COLQ: variants seen among roughly 807,000 people sequenced by gnomAD.
The protein encoded by COLQ is acetylcholinesterase collagenic tail peptide.
A neutral mutation model predicts 69.0 loss-of-function variants in COLQ; 48 were observed. That is an observed-to-expected ratio of 0.70 (90% confidence interval 0.55 to 0.88). COLQ has a LOEUF of 0.88. COLQ is among the 40% of genes least tolerant of loss of function. The pLI is 0.00. For missense variants in COLQ, 618 were observed against 594.6 expected (o/e 1.04, Z -0.41); for synonymous variants, 217 against 211.2 (o/e 1.03, Z -0.24).
In COLQ at chr3:15,517,606, C is replaced by T. The variant is rs186022581; in HGVS notation, c.106+3914G>A. 3.4e-3 allele frequency among the ~76,000 whole-genome samples: 515 copies of T among 152,310 alleles called. 1 individual carries two copies. Among genetic ancestry groups the T allele is most frequent in the Non-Finnish European group, 5.0e-3 (342 of 68,030 alleles). ...GCCAGCCAAACCCAAGCTAGATTAG[C>T]TGACCCTCAGTTTACCCACAAACAC... On this transcript the variant is annotated intron_variant, in intron 1 of 16. Transcript: ENST00000383788.
At chr3:15,506,007 G>A (rs538188857) in intron 1 of COLQ, among the ~76,000 whole-genome samples, 16 of 152,326 alleles carry the variant, frequency 1.1e-4, no homozygotes, top group African/African-American at 3.6e-4. Flanking sequence ...GGGAGGCTGG[G>A]TTCCTGGGAG....
chr3:15,498,407 C>A, intron 1 of COLQ: 1 of 1,219,138 alleles, frequency 8.2e-7, no homozygotes, highest in Non-Finnish European at 1.1e-6. Context: ...TTAAAGGCTG[C>A]TAAAACCTCC....
intron 1 of COLQ, among the ~76,000 whole-genome samples, chr3:15,492,573 G>A (rs2062686029): frequency 6.6e-6 from 1 of 151,988 alleles, no homozygotes; most frequent in South Asian, 2.1e-4. Context: ...AGGCTGAGGT[G>A]GGAGAATGGC....
rs368510113 is a variant in COLQ, at chr3:15,462,759, A to G, written c.814+3582T>C. Among the ~76,000 whole-genome samples the G allele has an allele frequency of 2.7e-4, 41 of 152,328 alleles. 3 individuals carry two copies. The highest frequency in any genetic ancestry group is 1.2e-3 in the Admixed American group (18 of 15,294). On this transcript the variant is annotated intron_variant, in intron 12 of 16. Coordinates refer to ENST00000383788, the MANE Select transcript of COLQ (RefSeq NM_005677.4). ...ACCAGGGCTCAGGGGAGGGTGATCC[A>G]TCCTGTTAGGGGCCAAGGAAGGCCT...
intron 1 of COLQ, among the ~76,000 whole-genome samples, chr3:15,518,753 G>A (rs544149004): frequency 6.6e-6 from 1 of 152,080 alleles, no homozygotes; most frequent in African/African-American, 2.4e-5. Flanking sequence ...TTTACCACAC[G>A]CCACCTGTGT....
intron 3 of COLQ, among the ~76,000 whole-genome samples, chr3:15,483,125 C>A (rs917291008): frequency 6.6e-6 from 1 of 151,906 alleles, no homozygotes; most frequent in African/African-American, 2.4e-5. Context: ...GTCTTGCTAG[C>A]GGTCTATTAA....
intron 10 of COLQ, among the ~76,000 whole-genome samples, chr3:15,472,250 AAT>A (rs1279876266): frequency 6.6e-6 from 1 of 152,176 alleles, no homozygotes; most frequent in Non-Finnish European, 1.5e-5. Context: ...AGCTAATCTA[AAT>A]ATTTTTAAGT....
intron 1 of COLQ, among the ~76,000 whole-genome samples, chr3:15,513,635 G>T (rs2063017749): frequency 6.6e-6 from 1 of 152,140 alleles, no homozygotes; most frequent in Non-Finnish European, 1.5e-5. Flanking sequence ...GCCCTTCTGA[G>T]ATCACCTCCC....
At chr3:15,504,112 A>C (rs1171805695) in intron 1 of COLQ, among the ~76,000 whole-genome samples, 4 of 152,092 alleles carry the variant, frequency 2.6e-5, no homozygotes, top group Non-Finnish European at 4.4e-5. Context: ...CCCCTATTCT[A>C]TTCTTCAAAG....
chr3:15,489,308 C>T (rs954251886), intron 2 of COLQ, among the ~76,000 whole-genome samples: 1 of 152,184 alleles, frequency 6.6e-6, no homozygotes, highest in Non-Finnish European at 1.5e-5. Flanking sequence ...AAGAATCTCC[C>T]TCCATCATTT....
At chr3:15,462,903 G>A (rs1273047476) in intron 12 of COLQ, among the ~76,000 whole-genome samples, 2 of 152,208 alleles carry the variant, frequency 1.3e-5, no homozygotes, top group African/African-American at 4.8e-5. Context: ...CAGCTCCACA[G>A]ACGGCAAGGT....
intron 1 of COLQ, chr3:15,498,842 A>C: frequency 7.0e-7 from 1 of 1,420,324 alleles, no homozygotes; most frequent in Non-Finnish European, 9.2e-7. Context: ...GGCTTGGAGG[A>C]CAAGAGTGCC....
intron 6 of COLQ, among the ~76,000 whole-genome samples, chr3:15,475,897 T>TG (rs2062371689): frequency 6.6e-6 from 1 of 152,168 alleles, no homozygotes; most frequent in Non-Finnish European, 1.5e-5. Context: ...GTCCTCAGAA[T>TG]GATTTGTGGT....
Position 15,466,417 on chromosome 3 carries a change from T to C in COLQ, c.738A>G (p.Gly246=). 1 of 1,614,058 alleles carries C rather than the reference T, an allele frequency of 6.2e-7. No individual in the cohort carries two copies. Among genetic ancestry groups the C allele is most frequent in the Non-Finnish European group, 8.5e-7 (1 of 1,179,988 alleles). ...RGKQGQKGDS[G]VMGPPGKPGP... ...CAGGCTTGCCTGGTGGGCCCATAAC[T>C]CCACTATCCCCTTTCTGTCCCTGAC... The change falls in exon 12 of 17, where the codon GGA becomes GGG. Residue 246 remains glycine (G), a synonymous_variant. Transcript: ENST00000383788.
chr3:15,451,655 A>G lies in COLQ; in HGVS notation c.1357T>C (p.Tyr453His). Reference protein sequence around the residue: ...YCYIDSTPCRYFT With the variant: ...YCYIDSTPCRHFT ...TCTCCTCACGGCCCTCAGGTGAAGT[A>G]GCGGCAGGGCGTGGAGTCGATGTAG... The change falls in exon 17 of 17, where the codon TAC becomes CAC. Residue 453 changes from tyrosine (Y) to histidine (H), a missense_variant. Tyr to His is a moderately conservative substitution (Grantham distance 83). Transcript: ENST00000383788. 3.7e-6 allele frequency: 6 copies of G among 1,614,190 alleles called. No individual in the cohort carries two copies. Among genetic ancestry groups the G allele is most frequent in the Non-Finnish European group, 5.1e-6 (6 of 1,180,002 alleles).
At chr3:15,471,734 C>T (rs1044680109) in intron 10 of COLQ, among the ~76,000 whole-genome samples, 18 of 152,218 alleles carry the variant, frequency 1.2e-4, no homozygotes. Flanking sequence ...TATCTGTCAG[C>T]TCAGCCAATG....
intron 1 of COLQ, among the ~76,000 whole-genome samples, chr3:15,510,637 G>A (rs951668441): frequency 6.6e-6 from 1 of 151,510 alleles, no homozygotes; most frequent in African/African-American, 2.4e-5. Flanking sequence ...CTTGAGCCCA[G>A]AAGGTAGAGA....
chr3:15,513,967 G>A (rs959488757), intron 1 of COLQ, among the ~76,000 whole-genome samples: 1 of 152,204 alleles, frequency 6.6e-6, no homozygotes, highest in African/African-American at 2.4e-5. Flanking sequence ...GTCATTATAA[G>A]AGACAGGCAG....
At chr3:15,503,173 C>T (rs867093586) in intron 1 of COLQ, among the ~76,000 whole-genome samples, 15 of 152,276 alleles carry the variant, frequency 9.9e-5, no homozygotes, top group Admixed American at 5.2e-4. Context: ...GGGCAGTTTC[C>T]GGGTTAGCTG....
Sources: gnomAD v4.1 joint callset for allele counts (sites outside exome capture counted in the v4.1 genomes callset) on GRCh38, gnomAD v4.1.1 for gene constraint, MANE v1.5 for transcripts, NCBI Gene and HGNC (gene_info 2026-07-23, HGNC 2026-07-21) for gene names.